The following SLC10A7 variants were observed in gnomAD, a reference collection of about 807,000 sequenced individuals.
SLC10A7 encodes solute carrier family 10 member 7.
A neutral mutation model predicts 43.2 loss-of-function variants in SLC10A7; 29 were observed. That is an observed-to-expected ratio of 0.67 (90% CI 0.50 to 0.92). SLC10A7 has a LOEUF of 0.92. Ranked by LOEUF, SLC10A7 falls within the 40% of genes least tolerant of loss-of-function variation. SLC10A7 has a pLI of 0.00. For missense variants in SLC10A7, 295 were observed against 403.2 expected (o/e 0.73, Z 2.30); for synonymous variants, 152 against 144.8 (o/e 1.05, Z -0.35).
intron 5 of SLC10A7, among the ~76,000 whole-genome samples, chr4:146,357,638 T>C (rs1443940161): frequency 6.6e-6 from 1 of 152,210 alleles, no homozygotes; most frequent in African/African-American, 2.4e-5. Context: ...GCGCAACTTA[T>C]TTGATGAGAG....
At chr4:146,288,582 A>G (rs1181981770) in intron 9 of SLC10A7, among the ~76,000 whole-genome samples, 1 of 152,206 alleles carries the variant, frequency 6.6e-6, no homozygotes, top group Admixed American at 6.5e-5. Flanking sequence ...CTATCTTGGT[A>G]AATAATCCAC....
intron 5 of SLC10A7, among the ~76,000 whole-genome samples, chr4:146,385,011 A>G (rs1737890796): frequency 6.6e-6 from 1 of 152,124 alleles, no homozygotes; most frequent in Non-Finnish European, 1.5e-5. Flanking sequence ...AGACTCCTTC[A>G]GAGTATTTAA....
chr4:146,417,374 G>A (rs944606206), intron 5 of SLC10A7, among the ~76,000 whole-genome samples: 9 of 152,136 alleles, frequency 5.9e-5, no homozygotes, highest in African/African-American at 1.9e-4. Context: ...AAAATGACAC[G>A]ATCAATTTAC....
intron 9 of SLC10A7, among the ~76,000 whole-genome samples, chr4:146,289,706 G>GTTTTTTT (rs776153195): frequency 3.4e-5 from 3 of 88,088 alleles, no homozygotes; most frequent in Non-Finnish European, 6.5e-5. Flanking sequence ...CTGATTATTA[G>GTTTTTTT]TTTTTTTTTT....
intron 5 of SLC10A7, among the ~76,000 whole-genome samples, chr4:146,434,641 G>A: frequency 6.6e-6 from 1 of 152,168 alleles, no homozygotes; most frequent in East Asian, 1.9e-4. Flanking sequence ...TCTGCTCACT[G>A]CAACCTCCAC....
At chr4:146,455,587 C>G (rs1731972912) in intron 4 of SLC10A7, among the ~76,000 whole-genome samples, 1 of 151,918 alleles carries the variant, frequency 6.6e-6, no homozygotes, top group African/African-American at 2.4e-5. Flanking sequence ...CAATAACTCT[C>G]TCATCAGCTT....
chr4:146,426,234 A>G (rs930006662), intron 5 of SLC10A7, among the ~76,000 whole-genome samples: 7 of 152,254 alleles, frequency 4.6e-5, no homozygotes, highest in African/African-American at 7.2e-5. Flanking sequence ...TGAAAAAAGT[A>G]ATATTACTAG....
At chr4:146,300,514 T>C (rs1578825374) in intron 7 of SLC10A7, among the ~76,000 whole-genome samples, 2 of 152,312 alleles carry the variant, frequency 1.3e-5, no homozygotes, top group South Asian at 4.1e-4. Flanking sequence ...GAGGTGGCAC[T>C]GCCTGCCCTG....
At chr4:146,346,730 G>T (rs1382709203) in intron 5 of SLC10A7, among the ~76,000 whole-genome samples, 1 of 151,972 alleles carries the variant, frequency 6.6e-6, no homozygotes, top group Non-Finnish European at 1.5e-5. Flanking sequence ...GCATGCTTAA[G>T]AATATATCAC....
Position 146,388,631 on chromosome 4 carries a change from C to T in SLC10A7, c.435+54152G>A, listed in dbSNP as rs185767542. 3.8e-3 allele frequency among the ~76,000 whole-genome samples: 571 copies of T among 151,832 alleles called. 4 individuals are homozygous for T. Among genetic ancestry groups the T allele is most frequent in the Middle Eastern group, 0.014 (4 of 294 alleles). ...AAAATTAGCTGGGCGTGGTGGTGCG[C>T]GCCTGTAGTCCCAGCTACTCAAGAG... On this transcript the variant is annotated intron_variant, in intron 5 of 11. Coordinates refer to ENST00000335472, the MANE Select transcript of SLC10A7 (RefSeq NM_001029998.6).
chr4:146,268,499 G>A (rs1317858134), intron 10 of SLC10A7, among the ~76,000 whole-genome samples: 1 of 152,240 alleles, frequency 6.6e-6, no homozygotes, highest in East Asian at 1.9e-4. Context: ...ACAGGACTTC[G>A]GAAGCCATTA....
chr4:146,455,910 T>A (rs1732005496), intron 4 of SLC10A7, among the ~76,000 whole-genome samples: 1 of 151,938 alleles, frequency 6.6e-6, no homozygotes, highest in Admixed American at 6.6e-5. Flanking sequence ...TGAGAAAATT[T>A]TTAAAAGCTG....
At chr4:146,358,451 A>G (rs1735814285) in intron 5 of SLC10A7, among the ~76,000 whole-genome samples, 1 of 152,180 alleles carries the variant, frequency 6.6e-6, no homozygotes, top group Non-Finnish European at 1.5e-5. Context: ...CATACATACA[A>G]ATACCTGGGT....
At chr4:146,308,106 A>T (rs189730020) in intron 6 of SLC10A7, among the ~76,000 whole-genome samples, 42 of 152,222 alleles carry the variant, frequency 2.8e-4, no homozygotes, top group Middle Eastern at 3.4e-3. Flanking sequence ...TTGACTGGAA[A>T]CACAGGTTAC....
intron 5 of SLC10A7, among the ~76,000 whole-genome samples, chr4:146,434,850 C>T (rs1730084036): frequency 1.3e-5 from 2 of 152,164 alleles, no homozygotes; most frequent in Admixed American, 6.5e-5. Flanking sequence ...GGATGAGCCA[C>T]CACGCCCACC....
At chr4:146,313,049 G>A (rs1284968886) in intron 6 of SLC10A7, among the ~76,000 whole-genome samples, 1 of 152,174 alleles carries the variant, frequency 6.6e-6, no homozygotes, top group Non-Finnish European at 1.5e-5. Flanking sequence ...CAAAGGACCT[G>A]CTATTGCTAA....
chr4:146,293,039 T>C, intron 8 of SLC10A7, 59 bp from the exon 9 acceptor site: 2 of 1,071,234 alleles, frequency 1.9e-6, no homozygotes, highest in Non-Finnish European at 1.4e-6. Context: ...TGTAGCATAC[T>C]TATTGGTATA....
intron 10 of SLC10A7, among the ~76,000 whole-genome samples, chr4:146,279,581 T>C (rs1729417130): frequency 6.6e-6 from 1 of 152,206 alleles, no homozygotes; most frequent in African/African-American, 2.4e-5. Flanking sequence ...CAGCAAGTGA[T>C]GCTGTCTTGA....
At chr4:146,473,488 T>A (rs17021544) in intron 4 of SLC10A7, among the ~76,000 whole-genome samples, 1 of 152,190 alleles carries the variant, frequency 6.6e-6, no homozygotes, top group East Asian at 1.9e-4. Flanking sequence ...CATAAGATCA[T>A]CTTTAAAACA....
Sources: gnomAD v4.1 joint callset for allele counts (sites outside exome capture counted in the v4.1 genomes callset) on GRCh38, gnomAD v4.1.1 for gene constraint, MANE v1.5 for transcripts, NCBI Gene and HGNC (gene_info 2026-07-23, HGNC 2026-07-21) for gene names.